Variants in MED30 observed in about 807,000 individuals in gnomAD.
MED30 encodes the protein mediator of RNA polymerase II transcription subunit 30.
Under a neutral mutation model 21.7 loss-of-function variants are expected in MED30, and 8 were observed. That is an observed-to-expected ratio of 0.37 (90% CI 0.22 to 0.67). MED30 has a LOEUF of 0.67. MED30 is among the 30% of genes least tolerant of loss of function. The pLI, the probability that MED30 is intolerant of heterozygous loss-of-function variation, is 0.58. For synonymous variants in MED30, 79 were observed against 86.7 expected (o/e 0.91, Z 0.49); for missense variants, 203 against 228.2 (o/e 0.89, Z 0.71).
At chr8:117,530,625 A>G (rs1413899197) in intron 2 of MED30, 98 bp from the exon 3 acceptor site, 1 of 733,218 alleles carries the variant, frequency 1.4e-6, no homozygotes, top group Non-Finnish European at 2.2e-6. Flanking sequence ...TACAAATAAA[A>G]GTATAAAAAT....
chr8:117,537,005 G>A (rs1279180825), intron 3 of MED30, among the ~76,000 whole-genome samples: 1 of 152,252 alleles, frequency 6.6e-6, no homozygotes, highest in Non-Finnish European at 1.5e-5. Flanking sequence ...GGGGCCACAT[G>A]TGGCCTGTGG....
At chr8:117,530,972 C>A in intron 3 of MED30, 145 bp downstream of exon 3, 1 of 628,892 alleles carries the variant, frequency 1.6e-6, no homozygotes, top group Non-Finnish European at 2.7e-6. Flanking sequence ...AGAATACAGC[C>A]AAGAAATGAA....
intron 1 of MED30, chr8:117,523,662 C>T (rs1047101887): frequency 2.5e-6 from 4 of 1,595,100 alleles, no homozygotes; most frequent in Admixed American, 1.7e-5. Flanking sequence ...CTGCCAGCTC[C>T]GGGTGCTTAG....
intron 1 of MED30, among the ~76,000 whole-genome samples, chr8:117,524,359 A>G (rs1818688155): frequency 6.6e-6 from 1 of 152,244 alleles, no homozygotes. Context: ...TGTGAATACA[A>G]ACTGCTAAGA....
intron 3 of MED30, among the ~76,000 whole-genome samples, chr8:117,531,189 T>C (rs1264778485): frequency 6.6e-6 from 1 of 151,996 alleles, no homozygotes; most frequent in East Asian, 1.9e-4. Flanking sequence ...TCTCAACACC[T>C]GAATAAAAAA....
At chr8:117,528,570 CT>C (rs1388556291) in intron 1 of MED30, 80 bp from the exon 2 acceptor site, 4 of 1,297,010 alleles carry the variant, frequency 3.1e-6, no homozygotes, top group Non-Finnish European at 4.2e-6. Flanking sequence ...AAAATTGTTT[CT>C]GTTTGTTGGC....
intron 1 of MED30, 127 bp downstream of exon 1, chr8:117,521,180 C>T (rs1818610727): frequency 2.5e-6 from 2 of 809,066 alleles, no homozygotes; most frequent in East Asian, 3.2e-5. Flanking sequence ...TGTAGGGTCT[C>T]CCCCATTCAC....
Position 117,540,100 on chromosome 8 carries a change from A to G in MED30, c.*122A>G. On this transcript the variant is annotated 3_prime_UTR_variant, in exon 4 of 4. Coordinates refer to ENST00000297347, the MANE Select transcript of MED30 (RefSeq NM_080651.4). ...TTTAGTCACTAAAACTAAAGTTTTTATTTTTACATTGTGATTTTTACATTA... is the reference window on the plus strand; with the variant it reads ...TTTAGTCACTAAAACTAAAGTTTTTGTTTTTACATTGTGATTTTTACATTA... 4.1e-6 allele frequency: 2 copies of G among 484,300 alleles called. No individual in the cohort carries two copies. Among genetic ancestry groups the G allele is most frequent in the Non-Finnish European group, 7.1e-6 (2 of 283,590 alleles). 30.0% of individuals were successfully genotyped at this position (484,300 alleles called of 1,614,324 possible). A position where few individuals can be genotyped will look rare whatever the true frequency, so the allele number is the denominator to read the frequency against.
At chr8:117,525,043 C>A (rs986762573) in intron 1 of MED30, among the ~76,000 whole-genome samples, 8 of 152,136 alleles carry the variant, frequency 5.3e-5, no homozygotes, top group African/African-American at 1.7e-4. Context: ...ACCAAATAAC[C>A]TCCTACACAA....
chr8:117,523,712 A>G, intron 1 of MED30: 3 of 1,531,168 alleles, frequency 2.0e-6, no homozygotes, highest in Non-Finnish European at 2.7e-6. Context: ...TTCCCTCCTT[A>G]AAAAGGAGTT....
intron 3 of MED30, among the ~76,000 whole-genome samples, chr8:117,536,740 C>T (rs1818884410): frequency 6.6e-6 from 1 of 152,094 alleles, no homozygotes; most frequent in Admixed American, 6.5e-5. Context: ...CTTAATATAT[C>T]CTGGAATCCT....
rs1818779574 is a variant in MED30 at position 117,530,594 on chromosome 8, C to A, written c.337-129C>A. 3 of 608,284 alleles carry A rather than the reference C, an allele frequency of 4.9e-6. No individual in the cohort carries two copies. In the South Asian group the frequency reaches 7.6e-5, roughly 15 times the overall value. The allele number at this position is 608,284 out of a possible 1,614,324, so 37.7% of individuals were successfully genotyped here. ...TTAAAGCTCTTATTTCAGGCCATCA[C>A]CTGAATTGAAATTATTTTTATACAA... On this transcript the variant is annotated intron_variant, in intron 2 of 3. Transcript: ENST00000297347.
At chr8:117,529,188 T>C (rs1216977005) in intron 2 of MED30, among the ~76,000 whole-genome samples, 1 of 151,740 alleles carries the variant, frequency 6.6e-6, no homozygotes, top group East Asian at 1.9e-4. Flanking sequence ...GATAAAATAT[T>C]ATTTTTATTA....
intron 1 of MED30, among the ~76,000 whole-genome samples, chr8:117,522,340 G>C (rs886801895): frequency 1.3e-5 from 2 of 152,150 alleles, no homozygotes; most frequent in Non-Finnish European, 2.9e-5. Context: ...CCTATATTTA[G>C]TTTTGTGAGT....
intron 3 of MED30, among the ~76,000 whole-genome samples, chr8:117,538,206 GACTA>G (rs1818914144): frequency 1.3e-5 from 2 of 152,148 alleles, no homozygotes; most frequent in African/African-American, 4.8e-5. Context: ...GTGCAAGGGA[GACTA>G]ACTAAAAATA....
intron 3 of MED30, among the ~76,000 whole-genome samples, chr8:117,539,010 G>T (rs1009670962): frequency 6.6e-6 from 1 of 151,736 alleles, no homozygotes; most frequent in Non-Finnish European, 1.5e-5. Flanking sequence ...TTTACATTTT[G>T]TGCCTAACAG....
intron 3 of MED30, among the ~76,000 whole-genome samples, chr8:117,534,890 A>G (rs556414259): frequency 9.8e-6 from 1 of 102,540 alleles, no homozygotes; most frequent in Non-Finnish European, 2.1e-5. Flanking sequence ...TTTTTAATTC[A>G]TTCCTTAAAA....
intron 1 of MED30, chr8:117,523,389 T>C: frequency 6.4e-7 from 1 of 1,551,708 alleles, no homozygotes; most frequent in Non-Finnish European, 8.9e-7. Flanking sequence ...TGTAGGTATC[T>C]CTGTCGGCTT....
chr8:117,530,821 A>G lies in MED30; in HGVS notation c.435A>G (p.Val145=), dbSNP rs761287870. 1 of 1,605,910 alleles carries G rather than the reference A, an allele frequency of 6.2e-7. No homozygotes were observed. The highest frequency in any genetic ancestry group is 1.7e-5 in the Admixed American group (1 of 59,434). The change falls in exon 3 of 4, where the codon GTA becomes GTG. Residue 145 remains valine, a synonymous_variant. Transcript: ENST00000297347. Reference sequence around the variant, plus strand: ...AAGAGAGGCGAGAAATTGCTGAAGTAAATAAAGTGAGTTGTTAGTTTTTAC... The same window carrying G: ...AAGAGAGGCGAGAAATTGCTGAAGTGAATAAAGTGAGTTGTTAGTTTTTAC... ...ASEERREIAE[V]NKKLKQKNQQ...
Sources: allele counts gnomAD v4.1 joint callset (sites outside exome capture counted in the v4.1 genomes callset), GRCh38; gene constraint gnomAD v4.1.1; transcripts MANE v1.5; gene names NCBI Gene and HGNC (gene_info 2026-07-23, HGNC 2026-07-21).